SORT1: variants seen among roughly 807,000 people sequenced by gnomAD.
The protein encoded by SORT1 is sortilin 1.
A neutral mutation model predicts 101.7 loss-of-function variants in SORT1; 39 were observed. The observed-to-expected ratio is 0.38, with a 90% CI of 0.30 to 0.50. The LOEUF is 0.50. SORT1 is among the 20% of genes least tolerant of loss of function. The probability of loss-of-function intolerance (pLI) is 0.90; values close to 1 mark genes in which losing one functional copy is unlikely to be tolerated. For synonymous variants in SORT1, 396 were observed against 393.7 expected (o/e 1.01, Z -0.07); for missense variants, 878 against 1,040.4 (o/e 0.84, Z 2.15).
At chr1:109,387,902 A>G (rs111462437) in intron 1 of SORT1, among the ~76,000 whole-genome samples, 174 of 152,276 alleles carry the variant, frequency 1.1e-3, no homozygotes, top group African/African-American at 3.9e-3. Context: ...GTGAGCCGAG[A>G]TAGTGCCACT....
intron 2 of SORT1, 127 bp from the exon 3 acceptor site, chr1:109,367,608 T>C: frequency 1.7e-6 from 1 of 572,328 alleles, no homozygotes; most frequent in South Asian, 2.3e-5. Flanking sequence ...CCCCAAAGTC[T>C]AGAAGGATCT....
intron 5 of SORT1, among the ~76,000 whole-genome samples, chr1:109,353,467 C>T (rs562828669): frequency 5.9e-5 from 9 of 152,192 alleles, no homozygotes; most frequent in African/African-American, 2.2e-4. Flanking sequence ...GCCCTTCGTC[C>T]TCCTATGTCA....
intron 1 of SORT1, among the ~76,000 whole-genome samples, chr1:109,378,023 G>A (rs1202236527): frequency 2.6e-5 from 4 of 152,196 alleles, no homozygotes; most frequent in South Asian, 4.1e-4. Flanking sequence ...TTGAGTCCAC[G>A]AGTTCAAGAC....
rs1323577785 is a variant in SORT1, at chr1:109,326,454, TATATATATATAC to T, written c.1643+526_1643+537del. Among the ~76,000 whole-genome samples, 49 of 29,302 alleles carry T rather than the reference TATATATATATAC, an allele frequency of 1.7e-3. 1 individual carries two copies. Among genetic ancestry groups the T allele is most frequent in the African/African-American group, 3.9e-3 (35 of 8,916 alleles). The allele number at this position is 29,302 out of a possible 152,430, so 19.2% of individuals were successfully genotyped here. A position where few individuals can be genotyped will look rare whatever the true frequency, so the allele number is the denominator to read the frequency against. On this transcript the variant is annotated intron_variant, in intron 13 of 19. Coordinates refer to ENST00000256637, the MANE Select transcript of SORT1 (RefSeq NM_002959.7). The stretch of plus-strand genomic sequence containing the variant: ...ATATATATATATATATATATATATA[TATATATATATAC>T]ATACACACACACACACACATATATA...
At position 109,355,656 on chromosome 1, in the gene SORT1, C is replaced by CCG. The variant is rs1321675043; in HGVS notation, c.441-188_441-187insCG. ...AGAACATTCCACCCGCCCCCCCCCC[C>CCG]ACAAACCCACTCACCAGTGATGGGG... On this transcript the variant is annotated intron_variant, in intron 3 of 19. Transcript: ENST00000256637. 3.5e-3 allele frequency among the ~76,000 whole-genome samples: 455 copies of CCG among 129,368 alleles called. 12 individuals carry two copies. The highest frequency in any genetic ancestry group is 0.013 in the African/African-American group (419 of 31,952). 84.9% of individuals were successfully genotyped at this position (129,368 alleles called of 152,430 possible).
chr1:109,330,843 T>TC (rs992796720), intron 11 of SORT1, among the ~76,000 whole-genome samples: 1 of 151,810 alleles, frequency 6.6e-6, no homozygotes, highest in Non-Finnish European at 1.5e-5. Context: ...CAACTATACA[T>TC]CAACAAATTG....
At chr1:109,343,914 G>T (rs1649405996) in intron 8 of SORT1, among the ~76,000 whole-genome samples, 1 of 152,182 alleles carries the variant, frequency 6.6e-6, no homozygotes, top group African/African-American at 2.4e-5. Flanking sequence ...GCCTCCTAAA[G>T]GGCTGGGATT....
chr1:109,365,178 C>T (rs1449331672), intron 3 of SORT1, among the ~76,000 whole-genome samples: 2 of 152,114 alleles, frequency 1.3e-5, no homozygotes, highest in Non-Finnish European at 2.9e-5. Context: ...TATGATTATA[C>T]TGCTTTTATA....
At chr1:109,331,470 A>G (rs573833166) in intron 11 of SORT1, among the ~76,000 whole-genome samples, 46 of 152,292 alleles carry the variant, frequency 3.0e-4, no homozygotes, top group African/African-American at 1.1e-3. Flanking sequence ...ATACCTCAAC[A>G]TAATAAACCC....
chr1:109,360,364 G>C (rs530015188), intron 3 of SORT1, among the ~76,000 whole-genome samples: 1 of 152,170 alleles, frequency 6.6e-6, no homozygotes, highest in East Asian at 1.9e-4. Context: ...AGAGGGTCTT[G>C]CTCTGCCACC....
At chr1:109,320,373 C>T (rs1647541078) in intron 15 of SORT1, among the ~76,000 whole-genome samples, 1 of 152,164 alleles carries the variant, frequency 6.6e-6, no homozygotes. Context: ...TCGTCCATGA[C>T]ATTACCTTCC....
intron 1 of SORT1, among the ~76,000 whole-genome samples, chr1:109,382,396 A>G (rs958229967): frequency 6.6e-6 from 1 of 152,184 alleles, no homozygotes; most frequent in East Asian, 1.9e-4. Flanking sequence ...TCAGCCTCCC[A>G]AAGTGCTGGG....
intron 3 of SORT1, among the ~76,000 whole-genome samples, chr1:109,359,075 T>G (rs1650535596): frequency 6.6e-6 from 1 of 152,152 alleles, no homozygotes; most frequent in Non-Finnish European, 1.5e-5. Flanking sequence ...ATAAACTGGG[T>G]GGCTTATAAA....
chr1:109,328,851 C>G (rs1412333788), intron 11 of SORT1, among the ~76,000 whole-genome samples: 2 of 152,226 alleles, frequency 1.3e-5, no homozygotes, highest in African/African-American at 4.8e-5. Flanking sequence ...TCCACTCTCA[C>G]AGACCCAGCC....
intron 1 of SORT1, among the ~76,000 whole-genome samples, chr1:109,376,199 G>A (rs189876051): frequency 2.1e-3 from 317 of 151,850 alleles, no homozygotes; most frequent in African/African-American, 6.9e-3. Context: ...GCGTGGCGGC[G>A]GGCGCCTGTA....
intron 16 of SORT1, among the ~76,000 whole-genome samples, chr1:109,317,518 C>T (rs1157356461): frequency 2.0e-5 from 3 of 152,210 alleles, no homozygotes; most frequent in South Asian, 4.1e-4. Context: ...ACGTTCATGG[C>T]GGATGGGACG....
chr1:109,335,539 T>G (rs542228685), intron 11 of SORT1, among the ~76,000 whole-genome samples: 19 of 152,124 alleles, frequency 1.2e-4, no homozygotes, highest in Non-Finnish European at 2.1e-4. Flanking sequence ...GCAAAGTGTA[T>G]GTCAGTGATA....
chr1:109,355,465 CCTCA>C lies in SORT1; in HGVS notation c.441_444del (p.Ser147ArgfsTer37). ...ATATCCTTAAAGTTCTTCCCATAAT[CCTCA>C]CTGAGAGGAAGAAAAAAAGGGCAAA... is the stretch of plus-strand genomic sequence containing the variant. On this transcript the variant is annotated frameshift_variant and splice_region_variant, in exon 4 of 20. Coordinates refer to ENST00000256637, the MANE Select transcript of SORT1 (RefSeq NM_002959.7). LOFTEE classifies it high-confidence loss of function. 1.3e-6 allele frequency: 2 copies of C among 1,530,074 alleles called. No individual in the cohort carries two copies. Among genetic ancestry groups the C allele is most frequent in the South Asian group, 1.1e-5 (1 of 89,442 alleles). 94.8% of individuals were successfully genotyped at this position (1,530,074 alleles called of 1,614,324 possible).
chr1:109,324,420 G>A (rs1647848432), intron 14 of SORT1, among the ~76,000 whole-genome samples: 1 of 152,148 alleles, frequency 6.6e-6, no homozygotes, highest in South Asian at 2.1e-4. Context: ...ACAGGCATGA[G>A]CCACCGCGCC....
Sources: allele counts gnomAD v4.1 joint callset (sites outside exome capture counted in the v4.1 genomes callset), GRCh38; gene constraint gnomAD v4.1.1; transcripts MANE v1.5; gene names NCBI Gene and HGNC (gene_info 2026-07-23, HGNC 2026-07-21).